Variants in ATP11A observed in about 807,000 individuals in gnomAD.
ATP11A encodes phospholipid-transporting ATPase IH.
In ATP11A, 81 loss-of-function variants were observed where a neutral mutation model predicts 154.4. The ratio of observed to expected loss-of-function variants is 0.52; its 90% CI spans 0.44 to 0.63. ATP11A has a LOEUF of 0.63. Among genes scored for constraint, ATP11A ranks in the 30% least tolerant of loss-of-function variants. The pLI is 0.00. For synonymous variants in ATP11A, 623 were observed against 585.9 expected, an observed-to-expected ratio of 1.06 and a Z score of -0.91; for missense variants, 1,316 against 1,474.3, an observed-to-expected ratio of 0.89 and a Z score of 1.76.
intron 16 of ATP11A, among the ~76,000 whole-genome samples, chr13:112,837,101 C>G (rs1257021664): frequency 6.6e-6 from 1 of 152,240 alleles, no homozygotes; most frequent in Non-Finnish European, 1.5e-5. Context: ...GCGCCCCTGG[C>G]TGTTTGCCCT....
At chr13:112,868,064 T>C (rs528875099) in intron 25 of ATP11A, among the ~76,000 whole-genome samples, 24 of 152,350 alleles carry the variant, frequency 1.6e-4, no homozygotes, top group Non-Finnish European at 3.5e-4. Context: ...TGCACTGACA[T>C]CGTAAGCCAT....
At chr13:112,761,066 C>T (rs373890143) in intron 1 of ATP11A, among the ~76,000 whole-genome samples, 6 of 152,196 alleles carry the variant, frequency 3.9e-5, no homozygotes, top group African/African-American at 1.4e-4. Flanking sequence ...TCCATCGCTC[C>T]AGGGACTGAA....
In ATP11A at chr13:112,857,870, G is replaced by A; in HGVS notation, c.2471G>A (p.Gly824Asp). 3 of 1,614,212 alleles carry A rather than the reference G, an allele frequency of 1.9e-6. No individual in the cohort carries two copies. Among genetic ancestry groups the A allele is most frequent in the Non-Finnish European group, 2.5e-6 (3 of 1,180,032 alleles). The change falls in exon 21 of 30, where the codon GGC (glycine) becomes GAC (aspartate). Residue 824 changes from glycine to aspartate, a missense_variant. Transcript: ENST00000375645. ...SKEHPITLAIGDGANDVSMIL... is the reference protein window; with the variant it reads ...SKEHPITLAIDDGANDVSMIL... ...GAGCACCCAATCACGTTAGCAATTGGCGATGGTGCAAATGATGTCAGCATG... is the reference window on the plus strand; with the variant it reads ...GAGCACCCAATCACGTTAGCAATTGACGATGGTGCAAATGATGTCAGCATG...
chr13:112,697,161 G>A lies in ATP11A; in HGVS notation c.39+6706G>A, dbSNP rs1469427257. 6.6e-6 allele frequency among the ~76,000 whole-genome samples: 1 copy of A among 152,158 alleles called. No homozygotes were observed. The highest frequency in any genetic ancestry group is 1.9e-4 in the East Asian group (1 of 5,172). ...GGGCCTTCCGTGGGCTGCTTCCTGT[G>A]GCGTCCTGCGGGCTGGCCGCCCCTC... On this transcript the variant is annotated intron_variant, in intron 1 of 29. Coordinates refer to ENST00000375645, the MANE Select transcript of ATP11A (RefSeq NM_015205.3). This position sits in a 1 kb window ranked among gnomAD's most constrained non-coding sequence, Gnocchi z 4.0.
intron 1 of ATP11A, among the ~76,000 whole-genome samples, chr13:112,732,159 CAGG>C (rs538418886): frequency 5.3e-4 from 80 of 152,194 alleles, no homozygotes; most frequent in Non-Finnish European, 9.1e-4. Context: ...CTCCTCCATT[CAGG>C]GCCCGTGACG....
Position 112,883,443 on chromosome 13 carries a change from C to T in ATP11A, c.*1577C>T, listed in dbSNP as rs770899048. On this transcript the variant is annotated 3_prime_UTR_variant, in exon 30 of 30. Transcript: ENST00000375645. ...GGAGCCGGCCCTCACGCCCGCCCCGCGCCACGCTGTGGAACGGGGCTCCGG... is the reference window on the plus strand; with the variant it reads ...GGAGCCGGCCCTCACGCCCGCCCCGTGCCACGCTGTGGAACGGGGCTCCGG... The T allele has an allele frequency of 1.9e-5, 7 of 373,870 alleles. No homozygotes were observed. The highest frequency in any genetic ancestry group is 9.1e-5 in the Admixed American group (2 of 21,930). 23.2% of individuals were successfully genotyped at this position (373,870 alleles called of 1,614,324 possible). A position where few individuals can be genotyped will look rare whatever the true frequency, so the allele number is the denominator to read the frequency against.
intron 5 of ATP11A, among the ~76,000 whole-genome samples, chr13:112,815,277 T>C (rs980157905): frequency 6.9e-6 from 1 of 145,752 alleles, no homozygotes; most frequent in African/African-American, 2.7e-5. Context: ...ACAGTCCAGA[T>C]CTGCGATACC....
chr13:112,809,296 G>A (rs940670135), intron 4 of ATP11A, among the ~76,000 whole-genome samples: 1 of 152,224 alleles, frequency 6.6e-6, no homozygotes, highest in Non-Finnish European at 1.5e-5. Flanking sequence ...CTTATTAATG[G>A]TCACAGCTGG....
chr13:112,819,644 G>A (rs187421283), intron 7 of ATP11A, among the ~76,000 whole-genome samples: 1 of 151,724 alleles, frequency 6.6e-6, no homozygotes, highest in East Asian at 1.9e-4. Context: ...CCATATTTGT[G>A]GGAAAAAAAA....
At chr13:112,811,161 AACACACACACACACACAC>A (rs10695491) in intron 5 of ATP11A, among the ~76,000 whole-genome samples, 6 of 115,604 alleles carry the variant, frequency 5.2e-5, no homozygotes, top group South Asian at 3.0e-4. Flanking sequence ...TGCCCCTTCC[AACACACACACACACACAC>A]ACACACACAC....
At chr13:112,876,692 C>T (rs2080736981) in intron 28 of ATP11A, among the ~76,000 whole-genome samples, 2 of 152,246 alleles carry the variant, frequency 1.3e-5, no homozygotes, top group Admixed American at 1.3e-4. Flanking sequence ...AGTGCTGAAG[C>T]CCAATGGGGA....
rs185626813 is a variant in ATP11A at position 112,747,728 on chromosome 13, C to T, written c.40-37407C>T. ...GTGCACGCCTGTAATCCCAGCTACT[C>T]GGGAGGCTGAGGCAGGAGAATTGCT... On this transcript the variant is annotated intron_variant, in intron 1 of 29. Transcript: ENST00000375645. Among the ~76,000 whole-genome samples the T allele has an allele frequency of 5.4e-3, 819 of 152,108 alleles. 7 individuals carry two copies. The highest frequency in any genetic ancestry group is 0.018 in the African/African-American group (736 of 41,480).
At position 112,855,898 on chromosome 13, in the gene ATP11A, C is replaced by G; in HGVS notation, c.2244-13C>G. On this transcript the variant is annotated splice_polypyrimidine_tract_variant and intron_variant, in intron 19 of 29. Coordinates refer to ENST00000375645, the MANE Select transcript of ATP11A (RefSeq NM_015205.3). ...GTGATTGAGCAATCTTTCTGACTCA[C>G]GTACTCTAACAGACTTTCAGCAGAT... 1 of 1,595,522 alleles carries G rather than the reference C, an allele frequency of 6.3e-7. No homozygotes were observed. The highest frequency in any genetic ancestry group is 8.6e-7 in the Non-Finnish European group (1 of 1,168,172).
Position 112,690,342 on chromosome 13 carries a change from T to C in ATP11A, c.-75T>C. Reference sequence around the variant, plus strand: ...GGAGCGGGGGGCGCGGCCGCACTAGTACCCCGGAGCCCATGGGCGCGCCGA... The same window carrying C: ...GGAGCGGGGGGCGCGGCCGCACTAGCACCCCGGAGCCCATGGGCGCGCCGA... On this transcript the variant is annotated 5_prime_UTR_variant, in exon 1 of 30. Coordinates refer to ENST00000375645, the MANE Select transcript of ATP11A (RefSeq NM_015205.3). The surrounding 1 kb of genome is among the most constrained non-coding windows in gnomAD (Gnocchi z 5.6). 8.7e-7 allele frequency: 1 copy of C among 1,154,070 alleles called. No individual in the cohort carries two copies. The highest frequency in any genetic ancestry group is 1.1e-6 in the Non-Finnish European group (1 of 924,486). The allele number at this position is 1,154,070 out of a possible 1,614,324, so 71.5% of individuals were successfully genotyped here.
intron 29 of ATP11A, 31 bp downstream of exon 29, chr13:112,878,334 G>A: frequency 8.7e-6 from 14 of 1,608,972 alleles, no homozygotes; most frequent in Non-Finnish European, 1.2e-5. Flanking sequence ...ACGCACCTGG[G>A]ATGGTAGACA....
intron 1 of ATP11A, among the ~76,000 whole-genome samples, chr13:112,729,330 G>T (rs1042555253): frequency 1.3e-5 from 2 of 152,182 alleles, no homozygotes; most frequent in Non-Finnish European, 1.5e-5. Flanking sequence ...GTTTCCATGG[G>T]TTTATCCGAC....
At chr13:112,874,798 C>T (rs1566603810) in intron 27 of ATP11A, among the ~76,000 whole-genome samples, 1 of 152,150 alleles carries the variant, frequency 6.6e-6, no homozygotes, top group East Asian at 1.9e-4. Flanking sequence ...TCTAGAGAGC[C>T]CAGCCCGGCT....
chr13:112,879,176 A>C (rs1203443545), intron 29 of ATP11A, among the ~76,000 whole-genome samples: 1 of 152,250 alleles, frequency 6.6e-6, no homozygotes, highest in Non-Finnish European at 1.5e-5. Context: ...TTGAAAATGC[A>C]TACTTGGTAT....
chr13:112,855,682 A>C (rs2079901323), intron 19 of ATP11A, among the ~76,000 whole-genome samples: 1 of 152,208 alleles, frequency 6.6e-6, no homozygotes, highest in Non-Finnish European at 1.5e-5. Context: ...CCACAAAGAG[A>C]GTCTGCACTT....
Sources: gnomAD v4.1 joint callset for allele counts (sites outside exome capture counted in the v4.1 genomes callset) on GRCh38, gnomAD v4.1.1 for gene constraint, Gnocchi (gnomAD v3.1) non-coding constraint, MANE v1.5 for transcripts, NCBI Gene and HGNC (gene_info 2026-07-23, HGNC 2026-07-21) for gene names.